EIPR1: variants seen among roughly 807,000 people sequenced by gnomAD.
EIPR1 encodes EARP and GARP complex-interacting protein 1.
EIPR1 carries 25 observed loss-of-function variants against 48.1 expected under a neutral mutation model. The ratio of observed to expected loss-of-function variants is 0.52; its 90% CI spans 0.38 to 0.73. The LOEUF is 0.73. Ranked by LOEUF, EIPR1 falls within the 30% of genes least tolerant of loss-of-function variation. The pLI is 0.00. For missense variants in EIPR1, 415 were observed against 506.2 expected, an observed-to-expected ratio of 0.82 and a Z score of 1.73; for synonymous variants, 204 against 201.9, an observed-to-expected ratio of 1.01 and a Z score of -0.09.
At chr2:3,278,382 G>A (rs1207810262) in intron 3 of EIPR1, among the ~76,000 whole-genome samples, 1 of 152,148 alleles carries the variant, frequency 6.6e-6, no homozygotes, top group East Asian at 1.9e-4. Flanking sequence ...CCACTTCTCT[G>A]CAGGAGCCAG....
intron 3 of EIPR1, among the ~76,000 whole-genome samples, chr2:3,296,911 C>A (rs1345625253): frequency 1.3e-5 from 2 of 152,258 alleles, no homozygotes; most frequent in African/African-American, 4.8e-5. Flanking sequence ...CTGTCTAGGA[C>A]CAAGTCTCTC....
At chr2:3,360,221 T>G (rs1484726627) in intron 1 of EIPR1, among the ~76,000 whole-genome samples, 1 of 151,918 alleles carries the variant, frequency 6.6e-6, no homozygotes, top group East Asian at 1.9e-4. Flanking sequence ...CTGGCCAACA[T>G]GGTGAAAACC....
At chr2:3,310,574 AC>A in intron 3 of EIPR1, among the ~76,000 whole-genome samples, 1 of 143,220 alleles carries the variant, frequency 7.0e-6, no homozygotes, top group Non-Finnish European at 1.5e-5. Flanking sequence ...AATGGCGTGA[AC>A]CCGGGAGGCG....
chr2:3,251,235 G>C (rs879708333), intron 4 of EIPR1, among the ~76,000 whole-genome samples: 1 of 152,200 alleles, frequency 6.6e-6, no homozygotes, highest in Non-Finnish European at 1.5e-5. Context: ...CGTGCCCTCT[G>C]TAAGTTCCTA....
chr2:3,332,710 G>A (rs1481192715), intron 3 of EIPR1, among the ~76,000 whole-genome samples: 2 of 152,198 alleles, frequency 1.3e-5, no homozygotes, highest in Non-Finnish European at 2.9e-5. Context: ...TTATCAGAAA[G>A]GAGAGTTCAA....
At chr2:3,376,609 T>G (rs1659892121) in intron 1 of EIPR1, among the ~76,000 whole-genome samples, 1 of 150,500 alleles carries the variant, frequency 6.6e-6, no homozygotes. Flanking sequence ...GAGAATCACT[T>G]AAACCCGGGA....
At chr2:3,316,235 T>C (rs1229169853) in intron 3 of EIPR1, among the ~76,000 whole-genome samples, 1 of 144,952 alleles carries the variant, frequency 6.9e-6, no homozygotes, top group Non-Finnish European at 1.5e-5. Context: ...CCACCACCAT[T>C]ATCATCATCA....
intron 4 of EIPR1, among the ~76,000 whole-genome samples, chr2:3,241,863 A>C (rs898155521): frequency 6.6e-6 from 1 of 152,220 alleles, no homozygotes; most frequent in Non-Finnish European, 1.5e-5. Flanking sequence ...AACAAAATGC[A>C]TACTTTTCTT....
intron 3 of EIPR1, among the ~76,000 whole-genome samples, chr2:3,291,551 T>C (rs929238083): frequency 6.6e-6 from 1 of 152,206 alleles, no homozygotes; most frequent in African/African-American, 2.4e-5. Context: ...GATAGTTTTA[T>C]CTAAACATAA....
At position 3,354,642 on chromosome 2, in the gene EIPR1, G is replaced by C. The variant is rs1479139475; in HGVS notation, c.43-9C>G. The C allele has an allele frequency of 4.3e-6, 7 of 1,613,548 alleles. No homozygotes were observed. The African/African-American group carries it at 9.3e-5, about 22-fold the overall frequency. ...GGTGTTAAGGCACGTGCCTGCAGGA[G>C]GGAAGAAAAACACATGCACATTTAT... On this transcript the variant is annotated splice_polypyrimidine_tract_variant and intron_variant, in intron 1 of 8. Coordinates refer to ENST00000382125, the MANE Select transcript of EIPR1 (RefSeq NM_003310.5).
At chr2:3,329,413 A>G (rs1477154234) in intron 3 of EIPR1, among the ~76,000 whole-genome samples, 1 of 147,006 alleles carries the variant, frequency 6.8e-6, no homozygotes, top group Non-Finnish European at 1.5e-5. Flanking sequence ...ATCTCGGGGT[A>G]CTAGCCCGGA....
rs1303601899 is a variant in EIPR1 at position 3,312,567 on chromosome 2, C to T, written c.259+25450G>A. On this transcript the variant is annotated intron_variant, in intron 3 of 8. Transcript: ENST00000382125. The surrounding 1 kb of genome is among the most constrained non-coding windows in gnomAD (Gnocchi z 5.5). ...CTCAGCACCTGCTCATCATTGTCAG[C>T]ATGTTTCTGGTCTCTTAAAATTGAA... Among the ~76,000 whole-genome samples, 7 of 152,320 alleles carry T rather than the reference C, an allele frequency of 4.6e-5. No individual in the cohort carries two copies. In the East Asian group the frequency reaches 1.4e-3, roughly 29 times the overall value.
chr2:3,222,346 C>T (rs1300722579), intron 4 of EIPR1, among the ~76,000 whole-genome samples: 2 of 152,134 alleles, frequency 1.3e-5, no homozygotes, highest in Non-Finnish European at 2.9e-5. Flanking sequence ...TTGGCGTGGG[C>T]CAAGGGATAT....
intron 4 of EIPR1, among the ~76,000 whole-genome samples, chr2:3,226,856 T>C (rs1363019895): frequency 6.6e-6 from 1 of 152,236 alleles, no homozygotes; most frequent in East Asian, 1.9e-4. Context: ...GATGGTTTTA[T>C]AAAGGGCAGT....
intron 3 of EIPR1, among the ~76,000 whole-genome samples, chr2:3,280,704 T>C (rs893648630): frequency 6.6e-6 from 1 of 152,198 alleles, no homozygotes; most frequent in African/African-American, 2.4e-5. Context: ...GAGAGGCCAC[T>C]GGCATGGCTT....
At chr2:3,318,161 G>A (rs1485550021) in intron 3 of EIPR1, among the ~76,000 whole-genome samples, 1 of 152,244 alleles carries the variant, frequency 6.6e-6, no homozygotes, top group African/African-American at 2.4e-5. Context: ...AGGGCAGGGC[G>A]CAGACCAGCA....
intron 1 of EIPR1, among the ~76,000 whole-genome samples, chr2:3,371,877 C>T (rs185050140): frequency 1.7e-3 from 257 of 152,264 alleles, no homozygotes; most frequent in Admixed American, 3.0e-3. Flanking sequence ...CTGCACCAAG[C>T]GGACCTAATA....
At chr2:3,203,688 C>A (rs375541476) in intron 5 of EIPR1, among the ~76,000 whole-genome samples, 2 of 152,366 alleles carry the variant, frequency 1.3e-5, no homozygotes, top group South Asian at 4.1e-4. Context: ...CCTATGGAGT[C>A]CCTGCCCCAG....
At chr2:3,281,280 T>G (rs1336490155) in intron 3 of EIPR1, among the ~76,000 whole-genome samples, 1 of 152,034 alleles carries the variant, frequency 6.6e-6, no homozygotes, top group African/African-American at 2.4e-5. Flanking sequence ...TCCTTCTCGG[T>G]GTCCCTCCAG....
Sources: gnomAD v4.1 joint callset for allele counts (sites outside exome capture counted in the v4.1 genomes callset) on GRCh38, gnomAD v4.1.1 for gene constraint, Gnocchi (gnomAD v3.1) non-coding constraint, MANE v1.5 for transcripts, NCBI Gene and HGNC (gene_info 2026-07-23, HGNC 2026-07-21) for gene names.